SLC4A7: variants seen among roughly 807,000 people sequenced by gnomAD.
The protein encoded by SLC4A7 is solute carrier family 4 member 7, also known as sodium bicarbonate cotransporter 3.
In SLC4A7, 51 loss-of-function variants were observed where a neutral mutation model predicts 137.6. That is an observed-to-expected ratio of 0.37 (90% confidence interval 0.30 to 0.47). The LOEUF (loss-of-function observed/expected upper bound fraction) is 0.47. SLC4A7 is among the 20% of genes least tolerant of loss of function. The pLI is 1.00. For missense variants in SLC4A7, 1,247 were observed against 1,525.4 expected (o/e 0.82, Z 3.04); for synonymous variants, 542 against 518.6 (o/e 1.05, Z -0.61).
At chr3:27,377,098 G>A (rs116700465) in intron 25 of SLC4A7, among the ~76,000 whole-genome samples, 2 of 151,960 alleles carry the variant, frequency 1.3e-5, no homozygotes, top group Non-Finnish European at 2.9e-5. Context: ...AACTAAAGAG[G>A]GGGTCCTTAA....
At chr3:27,459,927 C>T (rs376605077) in intron 1 of SLC4A7, among the ~76,000 whole-genome samples, 1 of 151,082 alleles carries the variant, frequency 6.6e-6, no homozygotes, top group African/African-American at 2.4e-5. Context: ...CCAACACACC[C>T]ATATCCTTTC....
intron 15 of SLC4A7, among the ~76,000 whole-genome samples, chr3:27,402,757 A>AT (rs149443712): frequency 0.032 from 4,803 of 152,140 alleles, 259 homozygotes; most frequent in African/African-American, 0.11. Context: ...TGAAAAATAT[A>AT]TAAAAAAAAG....
At chr3:27,430,466 C>T (rs1031301124) in intron 7 of SLC4A7, among the ~76,000 whole-genome samples, 1 of 149,250 alleles carries the variant, frequency 6.7e-6, no homozygotes, top group Non-Finnish European at 1.5e-5. Flanking sequence ...CTACAAAACA[C>T]GAAAATTAAC....
chr3:27,443,989 G>C (rs138585370), intron 3 of SLC4A7, among the ~76,000 whole-genome samples: 183 of 152,226 alleles, frequency 1.2e-3, no homozygotes, highest in African/African-American at 3.9e-3. Context: ...TTGTTTTATG[G>C]ACTAGAATAT....
chr3:27,399,730 T>C (rs9823798), intron 16 of SLC4A7, among the ~76,000 whole-genome samples: 6,575 of 152,292 alleles, frequency 0.043, 168 homozygotes, highest in East Asian at 0.067. Context: ...TGGCAATTTT[T>C]ACTGCTTTAA....
intron 25 of SLC4A7, among the ~76,000 whole-genome samples, chr3:27,377,470 G>A (rs1399573994): frequency 6.6e-6 from 1 of 152,088 alleles, no homozygotes; most frequent in Admixed American, 6.5e-5. Context: ...TCGGCTCACT[G>A]CAACCTCCAC....
intron 24 of SLC4A7, among the ~76,000 whole-genome samples, chr3:27,381,256 T>C (rs1306818775): frequency 2.0e-5 from 3 of 152,172 alleles, no homozygotes; most frequent in Non-Finnish European, 4.4e-5. Flanking sequence ...CACTTAAATT[T>C]GTCAAGGTCC....
chr3:27,434,560 A>G (rs2056586179), intron 5 of SLC4A7, among the ~76,000 whole-genome samples: 1 of 152,170 alleles, frequency 6.6e-6, no homozygotes, highest in Non-Finnish European at 1.5e-5. Context: ...CAATTTAAAA[A>G]TAACAAAACA....
chr3:27,451,140 T>TAA (rs535943800), intron 2 of SLC4A7, among the ~76,000 whole-genome samples: 19 of 148,168 alleles, frequency 1.3e-4, no homozygotes, highest in Non-Finnish European at 2.3e-4. Flanking sequence ...TTTTTAGAGT[T>TAA]AAAAAAAAAA....
intron 1 of SLC4A7, among the ~76,000 whole-genome samples, chr3:27,453,471 G>C (rs1407971841): frequency 6.6e-6 from 1 of 152,150 alleles, no homozygotes; most frequent in East Asian, 1.9e-4. Flanking sequence ...AAATTAGCCA[G>C]GTGTGGTGGC....
chr3:27,431,812 A>T (rs772119545), intron 6 of SLC4A7, 143 bp from the exon 7 acceptor site: 4 of 764,482 alleles, frequency 5.2e-6, no homozygotes, highest in Non-Finnish European at 5.7e-6. Context: ...TAGCATGTCA[A>T]TCGGGTTTTT....
intron 8 of SLC4A7, 42 bp from the exon 9 acceptor site, chr3:27,421,821 T>C (rs767738405): frequency 1.0e-5 from 15 of 1,488,606 alleles, no homozygotes; most frequent in Middle Eastern, 1.8e-4. Context: ...TTCCGTGGTA[T>C]TTGTAAGACT....
intron 10 of SLC4A7, among the ~76,000 whole-genome samples, chr3:27,419,181 T>G (rs946234720): frequency 6.6e-6 from 1 of 151,958 alleles, no homozygotes; most frequent in African/African-American, 2.4e-5. Flanking sequence ...AAATAAATAA[T>G]TATAGGTATT....
chr3:27,442,407 A>G (rs67372735), intron 3 of SLC4A7, among the ~76,000 whole-genome samples: 5,180 of 151,644 alleles, frequency 0.034, 101 homozygotes, highest in East Asian at 0.066. Context: ...CGTCATCCAC[A>G]TGAAATGTGA....
intron 1 of SLC4A7, among the ~76,000 whole-genome samples, chr3:27,461,959 CA>C (rs983395388): frequency 1.3e-5 from 2 of 151,346 alleles, no homozygotes; most frequent in Non-Finnish European, 2.9e-5. Context: ...GATTCCATCT[CA>C]AAAAAAAGAT....
At position 27,394,510 on chromosome 3, in the gene SLC4A7, A is replaced by G; in HGVS notation, c.3117+8T>C. On this transcript the variant is annotated splice_region_variant and intron_variant, in intron 20 of 25. Transcript: ENST00000454389. ...AGATTGTAAAACACGGCAATAAAGA[A>G]ATTTTACCTTTAGGACTGAAGTCAT... The G allele has an allele frequency of 6.2e-7, 1 of 1,608,272 alleles. No homozygotes were observed. The highest frequency in any genetic ancestry group is 8.5e-7 in the Non-Finnish European group (1 of 1,177,250).
At chr3:27,406,283 G>A (rs1159246446) in intron 13 of SLC4A7, among the ~76,000 whole-genome samples, 1 of 152,194 alleles carries the variant, frequency 6.6e-6, no homozygotes, top group South Asian at 2.1e-4. Flanking sequence ...CACCTAGCAA[G>A]CATGGTGTCT....
chr3:27,447,011 T>C (rs1327337441), intron 3 of SLC4A7, among the ~76,000 whole-genome samples: 2 of 150,672 alleles, frequency 1.3e-5, no homozygotes, highest in Non-Finnish European at 3.0e-5. Context: ...GCCTCCCAAA[T>C]AGGTGGGATT....
At chr3:27,473,685 G>A (rs1434451903) in intron 1 of SLC4A7, among the ~76,000 whole-genome samples, 5 of 123,268 alleles carry the variant, frequency 4.1e-5, no homozygotes, top group Admixed American at 1.0e-4. Flanking sequence ...CAGCCTGGGT[G>A]ACAGAGTGAG....
Sources: gnomAD v4.1 joint callset for allele counts (sites outside exome capture counted in the v4.1 genomes callset) on GRCh38, gnomAD v4.1.1 for gene constraint, MANE v1.5 for transcripts, NCBI Gene and HGNC (gene_info 2026-07-23, HGNC 2026-07-21) for gene names.